The following DUSP6 variants were observed in gnomAD, a reference collection of about 807,000 sequenced individuals.
DUSP6 encodes the protein dual specificity protein phosphatase 6.
Under a neutral mutation model 28.0 loss-of-function variants are expected in DUSP6, and 6 were observed. The observed-to-expected ratio is 0.21, with a 90% CI of 0.12 to 0.42. The LOEUF is 0.42. Ranked by LOEUF, DUSP6 falls within the 10% of genes least tolerant of loss-of-function variation. The pLI is 1.00. For missense variants in DUSP6, 451 were observed against 498.1 expected, an observed-to-expected ratio of 0.91 and a Z score of 0.90; for synonymous variants, 252 against 217.5, an observed-to-expected ratio of 1.16 and a Z score of -1.40.
In DUSP6 at chr12:89,351,819, C is replaced by T. The variant is rs1453948474; in HGVS notation, c.221G>A (p.Arg74His). The T allele has an allele frequency of 1.2e-6, 2 of 1,610,992 alleles. No homozygotes were observed. Among genetic ancestry groups the T allele is most frequent in the Admixed American group, 1.7e-5 (1 of 59,806 alleles). ...RRLQKGNLPV[R>H]ALFTRGEDRD... ...GTCCTCGCCGCGCGTGAAGAGCGCG[C>T]GCACCGGCAGGTTACCCTTCTGCAG... The change falls in exon 1 of 3, where the codon CGC becomes CAC. Residue 74 changes from arginine (R) to histidine (H), a missense_variant. Physicochemically the swap from Arg to His is conservative, Grantham distance 29. Transcript: ENST00000279488.
Position 89,349,554 on chromosome 12 carries a change from G to A in DUSP6, c.846C>T (p.Ala282=). The A allele has an allele frequency of 1.2e-6, 2 of 1,604,140 alleles. No individual in the cohort carries two copies. Among genetic ancestry groups the A allele is most frequent in the Non-Finnish European group, 1.7e-6 (2 of 1,172,326 alleles). The part of the protein sequence containing the change: ...FPEAISFIDE[A]RGKNCGVLVH... The stretch of plus-strand genomic sequence containing the variant: ...CCAAGACACCACAGTTCTTGCCCCG[G>A]GCTTCATCTGTGAACACAAAAAGAA... The change falls in exon 3 of 3, where the codon GCC becomes GCT. Residue 282 remains alanine, a synonymous_variant. Transcript: ENST00000279488.
chr12:89,351,481 G>T (rs1441864206), intron 1 of DUSP6, 159 bp downstream of exon 1: 18 of 1,234,606 alleles, frequency 1.5e-5, no homozygotes, highest in Non-Finnish European at 1.7e-5. Flanking sequence ...CGGAACGCGC[G>T]GTTCGCGGCC....
In DUSP6 at chr12:89,351,765, G is replaced by A. The variant is rs1468080398; in HGVS notation, c.275C>T (p.Thr92Ile). ...DRDRFTRRCG[T>I]DTVVLYDESS... ...CTCGTCGTAGAGCACCACTGTGTCG[G>A]TGCCACAGCGCCGGGTGAAGCGGTC... is the stretch of plus-strand genomic sequence containing the variant. The change falls in exon 1 of 3, where the codon ACC (threonine) becomes ATC (isoleucine). Residue 92 changes from threonine (T) to isoleucine (I), a missense_variant. Physicochemically the swap from Thr to Ile is moderately conservative, Grantham distance 89 (BLOSUM62 -1). Transcript: ENST00000279488. The A allele has an allele frequency of 6.2e-7, 1 of 1,608,758 alleles. No individual in the cohort carries two copies. Among genetic ancestry groups the A allele is most frequent in the Non-Finnish European group, 8.5e-7 (1 of 1,178,340 alleles).
Position 89,350,856 on chromosome 12 carries a change from A to C in DUSP6, c.570T>G (p.Ser190Arg), listed in dbSNP as rs1311304989. 1 of 1,614,048 alleles carries C rather than the reference A, an allele frequency of 6.2e-7. No individual in the cohort carries two copies. The part of the protein sequence containing the change: ...IESDLDRDPN[S>R]ATDSDGSPLS... ...GCGGACTACCATCCGAGTCTGTTGC[A>C]CTATTGGGGTCTCGGTCAAGGTCAG... is the stretch of plus-strand genomic sequence containing the variant. The change falls in exon 2 of 3, where the codon AGT (serine) becomes AGG (arginine). Residue 190 changes from serine (S) to arginine (R), a missense_variant. Physicochemically the swap from Ser to Arg is moderately radical, Grantham distance 110. Around this residue, in one of 2 missense-constraint regions of DUSP6, gnomAD observed 347 missense variants for 346.6 expected, o/e 1.00. Coordinates refer to ENST00000279488, the MANE Select transcript of DUSP6 (RefSeq NM_001946.4).
Position 89,349,940 on chromosome 12 carries a change from G to A in DUSP6, c.839-379C>T, listed in dbSNP as rs560760322. On this transcript the variant is annotated intron_variant, in intron 2 of 2. Transcript: ENST00000279488. Reference sequence around the variant, plus strand: ...AAATGTTGTGCAGCTAACAATGGAGGTATTCAGGCATTTTAAAAGAGAGAG... The same window carrying A: ...AAATGTTGTGCAGCTAACAATGGAGATATTCAGGCATTTTAAAAGAGAGAG... Among the ~76,000 whole-genome samples, 8 of 152,318 alleles carry A rather than the reference G, an allele frequency of 5.3e-5. No homozygotes were observed. In the East Asian group the frequency reaches 1.3e-3, roughly 26 times the overall value.
chr12:89,352,056 G>T lies in DUSP6; in HGVS notation c.-17C>A. On this transcript the variant is annotated 5_prime_UTR_variant, in exon 1 of 3. Coordinates refer to ENST00000279488, the MANE Select transcript of DUSP6 (RefSeq NM_001946.4). ...ATCTATCATGGGGGTCGAGCTGCGGGAGAGGGCGGGGTGCCTACCAGACGC... is the reference window on the plus strand; with the variant it reads ...ATCTATCATGGGGGTCGAGCTGCGGTAGAGGGCGGGGTGCCTACCAGACGC... 1 of 1,602,578 alleles carries T rather than the reference G, an allele frequency of 6.2e-7. No individual in the cohort carries two copies. The highest frequency in any genetic ancestry group is 1.1e-5 in the South Asian group (1 of 90,652).
At chr12:89,351,147 A>C in intron 1 of DUSP6, 122 bp from the exon 2 acceptor site, 1 of 1,053,406 alleles carries the variant, frequency 9.5e-7, no homozygotes, top group Non-Finnish European at 1.3e-6. Context: ...TACATACAGA[A>C]CCATCTATAA....
rs1332081933 is a variant in DUSP6 at position 89,347,243 on chromosome 12, C to T, written c.*2011G>A. On this transcript the variant is annotated 3_prime_UTR_variant, in exon 3 of 3. Coordinates refer to ENST00000279488, the MANE Select transcript of DUSP6 (RefSeq NM_001946.4). ...TAAGTACGTTCTAGTTCTTTTGATT[C>T]CATACACCTGCCTTTTATTTTGGTT... is the stretch of plus-strand genomic sequence containing the variant. The T allele has an allele frequency of 6.6e-6, 1 of 152,104 alleles. No individual in the cohort carries two copies. Among genetic ancestry groups the T allele is most frequent in the East Asian group, 1.9e-4 (1 of 5,196 alleles). The allele number at this position is 152,104 out of a possible 1,614,324, so 9.4% of individuals were successfully genotyped here.
At position 89,351,636 on chromosome 12, in the gene DUSP6, G is replaced by A; in HGVS notation, c.400+4C>T. 1.3e-6 allele frequency: 2 copies of A among 1,594,990 alleles called. No individual in the cohort carries two copies. Among genetic ancestry groups the A allele is most frequent in the Admixed American group, 1.7e-5 (1 of 59,214 alleles). On this transcript the variant is annotated splice_donor_region_variant and intron_variant, in intron 1 of 2. Coordinates refer to ENST00000279488, the MANE Select transcript of DUSP6 (RefSeq NM_001946.4). ...CCCGCGCGCGGAGTTCCCTGGGCGC[G>A]TACCTTCCAGGTAGAACGCCCGGCA...
In DUSP6 at chr12:89,349,371, G is replaced by A. The variant is rs761324644; in HGVS notation, c.1029C>T (p.Phe343=). Residue 343 remains phenylalanine (F), a synonymous_variant, in exon 3 of 3, where the codon TTC becomes TTT. Transcript: ENST00000279488. The part of the protein sequence containing the change: ...NFNFMGQLLD[F]ERTLGLSSPC... ...GGCTGCTGAGTCCCAGCGTCCTCTC[G>A]AAGTCCAGCAGCTGACCCATGAAGT... 9.3e-6 allele frequency: 15 copies of A among 1,614,070 alleles called. No individual in the cohort carries two copies. The highest frequency in any genetic ancestry group is 2.2e-5 in the South Asian group (2 of 91,094).
Position 89,349,075 on chromosome 12 carries a change from T to C in DUSP6, c.*179A>G. ...GCATGTCCTGTTATTCCAAAGAGAA[T>C]GGAGCAAATCTCTCTGTTAGTATTA... is the stretch of plus-strand genomic sequence containing the variant. On this transcript the variant is annotated 3_prime_UTR_variant, in exon 3 of 3. Transcript: ENST00000279488. 1.5e-6 allele frequency: 1 copy of C among 645,730 alleles called. No individual in the cohort carries two copies. The highest frequency in any genetic ancestry group is 2.7e-5 in the East Asian group (1 of 36,490). The allele number at this position is 645,730 out of a possible 1,614,324, so 40.0% of individuals were successfully genotyped here. A position where few individuals can be genotyped will look rare whatever the true frequency, so the allele number is the denominator to read the frequency against.
rs1879208103 is a variant in DUSP6, at chr12:89,351,839, C to T, written c.201G>A (p.Gln67=). The change falls in exon 1 of 3, where the codon CAG becomes CAA. Residue 67 remains glutamine (Q), a synonymous_variant. Transcript: ENST00000279488. Reference sequence around the variant, plus strand: ...GCGCGCGCACCGGCAGGTTACCCTTCTGCAGGCGCCGCAGCATGATGCCCG... The same window carrying T: ...GCGCGCGCACCGGCAGGTTACCCTTTTGCAGGCGCCGCAGCATGATGCCCG... ...AIPGIMLRRL[Q]KGNLPVRALF... is the part of the protein sequence containing the mutation. The T allele has an allele frequency of 1.2e-6, 2 of 1,611,808 alleles. No homozygotes were observed. Among genetic ancestry groups the T allele is most frequent in the Non-Finnish European group, 1.7e-6 (2 of 1,179,636 alleles).
chr12:89,349,415 T>G lies in DUSP6; in HGVS notation c.985A>C (p.Asn329His). 6.2e-7 allele frequency: 1 copy of G among 1,614,150 alleles called. No individual in the cohort carries two copies. Among genetic ancestry groups the G allele is most frequent in the Middle Eastern group, 1.6e-4 (1 of 6,062 alleles). ...AYDIVKMKKS[N>H]ISPNFNFMGQ... ...ATGAAGTTGAAGTTAGGGGATATGT[T>G]GGATTTTTTCATTTTGACAATGTCA... is the stretch of plus-strand genomic sequence containing the variant. The change falls in exon 3 of 3, where the codon AAC becomes CAC. Residue 329 changes from asparagine to histidine, a missense_variant. Physicochemically the swap from Asn to His is moderately conservative, Grantham distance 68. Transcript: ENST00000279488.
Position 89,349,198 on chromosome 12 carries a change from C to T in DUSP6, c.*56G>A, listed in dbSNP as rs1056203407. On this transcript the variant is annotated 3_prime_UTR_variant, in exon 3 of 3. Transcript: ENST00000279488. ...AAGAAAGCAGCCCAGCTGATGCTGCCAAGAGAAACTGCTGAAGGGCCAGAC... is the reference window on the plus strand; with the variant it reads ...AAGAAAGCAGCCCAGCTGATGCTGCTAAGAGAAACTGCTGAAGGGCCAGAC... 4 of 1,542,940 alleles carry T rather than the reference C, an allele frequency of 2.6e-6. No homozygotes were observed. The highest frequency in any genetic ancestry group is 1.9e-5 in the Admixed American group (1 of 53,832).
intron 2 of DUSP6, 63 bp downstream of exon 2, chr12:89,350,523 AAC>A: frequency 1.3e-6 from 2 of 1,489,284 alleles, no homozygotes; most frequent in Non-Finnish European, 1.8e-6. Context: ...TAACAGCTTA[AAC>A]TCTATGAATG....
At position 89,349,566 on chromosome 12, in the gene DUSP6, G is replaced by A. The variant is rs1198749969; in HGVS notation, c.839-5C>T. On this transcript the variant is annotated splice_polypyrimidine_tract_variant and splice_region_variant and intron_variant, in intron 2 of 2. Coordinates refer to ENST00000279488, the MANE Select transcript of DUSP6 (RefSeq NM_001946.4). Reference sequence around the variant, plus strand: ...AGTTCTTGCCCCGGGCTTCATCTGTGAACACAAAAAGAAAAGCAAGATCTC... The same window carrying A: ...AGTTCTTGCCCCGGGCTTCATCTGTAAACACAAAAAGAAAAGCAAGATCTC... 6.3e-7 allele frequency: 1 copy of A among 1,595,916 alleles called. No individual in the cohort carries two copies. The highest frequency in any genetic ancestry group is 8.6e-7 in the Non-Finnish European group (1 of 1,168,116).
chr12:89,351,632 G>A lies in DUSP6; in HGVS notation c.400+8C>T, dbSNP rs775471646. ...CTGCCCCGCGCGCGGAGTTCCCTGG[G>A]CGCGTACCTTCCAGGTAGAACGCCC... On this transcript the variant is annotated splice_region_variant and intron_variant, in intron 1 of 2. Coordinates refer to ENST00000279488, the MANE Select transcript of DUSP6 (RefSeq NM_001946.4). The A allele has an allele frequency of 6.3e-7, 1 of 1,592,840 alleles. No individual in the cohort carries two copies. Among genetic ancestry groups the A allele is most frequent in the South Asian group, 1.1e-5 (1 of 88,530 alleles).
chr12:89,352,275 C>T lies in DUSP6; in HGVS notation c.-236G>A, dbSNP rs2120509007. ...TGTCAATGAATCTCTCTCAATGAAG[C>T]TGCCCAGATAGTTTTTGTTCCTCCC... On this transcript the variant is annotated 5_prime_UTR_variant, in exon 1 of 3. Coordinates refer to ENST00000279488, the MANE Select transcript of DUSP6 (RefSeq NM_001946.4). 3.4e-6 allele frequency: 2 copies of T among 590,318 alleles called. No individual in the cohort carries two copies. Among genetic ancestry groups the T allele is most frequent in the Non-Finnish European group, 5.9e-6 (2 of 338,918 alleles). 36.6% of individuals were successfully genotyped at this position (590,318 alleles called of 1,614,324 possible).
rs704073 is a variant in DUSP6 at position 89,347,934 on chromosome 12, G to C, written c.*1320C>G. 1 of 151,982 alleles carries C rather than the reference G, an allele frequency of 6.6e-6. No homozygotes were observed. Among genetic ancestry groups the C allele is most frequent in the Admixed American group, 6.6e-5 (1 of 15,266 alleles). 9.4% of individuals were successfully genotyped at this position (151,982 alleles called of 1,614,324 possible). A position where few individuals can be genotyped will look rare whatever the true frequency, so the allele number is the denominator to read the frequency against. On this transcript the variant is annotated 3_prime_UTR_variant, in exon 3 of 3. Transcript: ENST00000279488. Reference sequence around the variant, plus strand: ...ATTTCATAAACTGCTGCTGAAAAACGTTCTAGGAAAAGCTTAAAAGAACCT... The same window carrying C: ...ATTTCATAAACTGCTGCTGAAAAACCTTCTAGGAAAAGCTTAAAAGAACCT...
Sources: allele counts gnomAD v4.1 joint callset (sites outside exome capture counted in the v4.1 genomes callset), GRCh38; gene constraint gnomAD v4.1.1; regional missense constraint gnomAD v4.1.1; transcripts MANE v1.5; gene names NCBI Gene and HGNC (gene_info 2026-07-23, HGNC 2026-07-21).